The following RBFOX1 variants were observed in gnomAD, a reference collection of about 807,000 sequenced individuals.
RBFOX1 encodes the protein RNA binding protein fox-1 homolog 1.
In RBFOX1, 8 loss-of-function variants were observed where a neutral mutation model predicts 57.7. That is an observed-to-expected ratio of 0.14 (90% confidence interval 0.08 to 0.25). RBFOX1 has a LOEUF of 0.25. RBFOX1 is among the 10% of genes least tolerant of loss of function. The pLI, the probability that RBFOX1 is intolerant of heterozygous loss-of-function variation, is 1.00. For synonymous variants in RBFOX1, 326 were observed against 222.4 expected (o/e 1.47, Z -4.15); for missense variants, 611 against 548.5 (o/e 1.11, Z -1.14).
chr16:6,662,314 A>G (rs559047264), intron 3 of RBFOX1, among the ~76,000 whole-genome samples: 1 of 152,288 alleles, frequency 6.6e-6, no homozygotes, highest in African/African-American at 2.4e-5. Context: ...GAGATGATGG[A>G]TATGTTAATT....
chr16:6,555,849 G>T (rs908217412), intron 2 of RBFOX1, among the ~76,000 whole-genome samples: 2 of 152,162 alleles, frequency 1.3e-5, no homozygotes, highest in Non-Finnish European at 2.9e-5. Flanking sequence ...TGAAATGCAC[G>T]TGACTAGCAC....
At chr16:7,698,909 T>A (rs2079694503) in intron 14 of RBFOX1, among the ~76,000 whole-genome samples, 1 of 152,074 alleles carries the variant, frequency 6.6e-6, no homozygotes, top group African/African-American at 2.4e-5. Context: ...AAATTAAAGA[T>A]GTCTAGATAG....
At chr16:6,847,415 G>T (rs988078824) in intron 3 of RBFOX1, among the ~76,000 whole-genome samples, 2 of 151,976 alleles carry the variant, frequency 1.3e-5, no homozygotes, top group African/African-American at 4.8e-5. Context: ...GGAAGCAGCC[G>T]TCTAGACTGC....
intron 4 of RBFOX1, among the ~76,000 whole-genome samples, chr16:7,430,146 G>T (rs1298868217): frequency 6.6e-6 from 1 of 152,174 alleles, no homozygotes; most frequent in Non-Finnish European, 1.5e-5. Context: ...AACCAAATGA[G>T]CTTATCATTA....
At chr16:7,144,283 A>G (rs768341798) in intron 4 of RBFOX1, among the ~76,000 whole-genome samples, 2 of 152,114 alleles carry the variant, frequency 1.3e-5, no homozygotes, top group Non-Finnish European at 2.9e-5. Flanking sequence ...TCCCCAGAGG[A>G]ATTGATATAT....
At chr16:6,057,577 G>GA (rs1302227884) in intron 1 of RBFOX1, among the ~76,000 whole-genome samples, 11 of 137,408 alleles carry the variant, frequency 8.0e-5, no homozygotes, top group East Asian at 1.9e-4. Flanking sequence ...AAGGGAAAAA[G>GA]AAAAAAAAAG....
intron 1 of RBFOX1, among the ~76,000 whole-genome samples, chr16:6,033,846 A>C (rs939517475): frequency 1.3e-5 from 2 of 152,236 alleles, no homozygotes; most frequent in African/African-American, 4.8e-5. Context: ...AGACACTGCC[A>C]AACCTGATGC....
intron 3 of RBFOX1, among the ~76,000 whole-genome samples, chr16:6,941,655 C>G (rs1281432110): frequency 6.6e-6 from 1 of 151,840 alleles, no homozygotes; most frequent in Non-Finnish European, 1.5e-5. Context: ...ATGGGTTTAT[C>G]TATAAAGCAG....
At position 6,485,351 on chromosome 16, in the gene RBFOX1, C is replaced by T. The variant is rs1026835614; in HGVS notation, c.-64+168294C>T. On this transcript the variant is annotated intron_variant, in intron 2 of 15. Coordinates refer to ENST00000550418, the MANE Select transcript of RBFOX1 (RefSeq NM_018723.4). ...GGAGCTCCTCCCTCCCTCTCTTACC[C>T]CTCTTCTCTTCTCTCTCTTGGTCTC... 2.4e-4 allele frequency among the ~76,000 whole-genome samples: 36 copies of T among 151,356 alleles called. 1 individual carries two copies. The highest frequency in any genetic ancestry group is 4.9e-4 in the Non-Finnish European group (33 of 67,848).
intron 11 of RBFOX1, among the ~76,000 whole-genome samples, chr16:7,631,597 T>C (rs990012041): frequency 6.6e-6 from 1 of 152,166 alleles, no homozygotes; most frequent in Non-Finnish European, 1.5e-5. Flanking sequence ...ATGAGTCGTC[T>C]TTAGGGTCAG....
At chr16:7,056,922 T>TCC (rs2052494567) in intron 4 of RBFOX1, among the ~76,000 whole-genome samples, 1 of 152,076 alleles carries the variant, frequency 6.6e-6, no homozygotes, top group Non-Finnish European at 1.5e-5. Flanking sequence ...CAGATCCCAC[T>TCC]TCTAAATGCT....
intron 4 of RBFOX1, among the ~76,000 whole-genome samples, chr16:7,141,493 AGCAC>A (rs776925375): frequency 5.9e-5 from 9 of 152,212 alleles, no homozygotes; most frequent in Non-Finnish European, 1.0e-4. Flanking sequence ...GAGAGCATAA[AGCAC>A]GGAAATGGAG....
At chr16:5,473,200 C>G (rs1036061561) in intron 2 of RBFOX1, among the ~76,000 whole-genome samples, 1 of 152,176 alleles carries the variant, frequency 6.6e-6, no homozygotes, top group Non-Finnish European at 1.5e-5. Context: ...TACATGATTT[C>G]TTCCCACAAA....
chr16:7,255,129 C>T (rs1882588), intron 4 of RBFOX1, among the ~76,000 whole-genome samples: 6 of 152,162 alleles, frequency 3.9e-5, no homozygotes, highest in Admixed American at 2.0e-4. Flanking sequence ...ACCCCATCTC[C>T]GATCTTTGCA....
intron 2 of RBFOX1, among the ~76,000 whole-genome samples, chr16:6,616,621 G>A (rs2098144448): frequency 6.6e-6 from 1 of 152,328 alleles, no homozygotes; most frequent in Admixed American, 6.5e-5. Context: ...CTTGCAGTGA[G>A]CCGAGATCGT....
At chr16:6,015,357 A>G (rs955905), upstream of RBFOX1, among the ~76,000 whole-genome samples, 19,317 of 152,236 alleles carry the variant, frequency 0.13, 1,480 homozygotes, top group East Asian at 0.26. Context: ...AATAATGGAG[A>G]AAATGGTCAT....
chr16:6,556,328 C>G (rs17140585), intron 2 of RBFOX1, among the ~76,000 whole-genome samples: 13,628 of 152,196 alleles, frequency 0.09, 1,546 homozygotes, highest in African/African-American at 0.27. Context: ...TCAAGTGACA[C>G]TATCTCTTTG....
chr16:6,107,141 T>C lies in RBFOX1; in HGVS notation c.-127+87149T>C, dbSNP rs185331664. Among the ~76,000 whole-genome samples the C allele has an allele frequency of 5.6e-4, 85 of 152,250 alleles. No individual in the cohort carries two copies. In the East Asian group the frequency reaches 0.014, roughly 25 times the overall value. ...TGGAAAGTGGTGGTTGTGCCTTTGC[T>C]TTTTTGTTTTTTTGTTTTTTTAGTT... On this transcript the variant is annotated intron_variant, in intron 1 of 15. Coordinates refer to ENST00000550418, the MANE Select transcript of RBFOX1 (RefSeq NM_018723.4).
At chr16:6,492,800 C>A (rs1437203749) in intron 2 of RBFOX1, among the ~76,000 whole-genome samples, 1 of 152,088 alleles carries the variant, frequency 6.6e-6, no homozygotes, top group African/African-American at 2.4e-5. Flanking sequence ...AAAACTACAT[C>A]TAAGATGTTA....
Sources: allele counts gnomAD v4.1 joint callset (sites outside exome capture counted in the v4.1 genomes callset), GRCh38; gene constraint gnomAD v4.1.1; transcripts MANE v1.5; gene names NCBI Gene and HGNC (gene_info 2026-07-23, HGNC 2026-07-21).